BLK: variants seen among roughly 807,000 people sequenced by gnomAD.
BLK encodes the protein tyrosine-protein kinase Blk.
A neutral mutation model predicts 61.8 loss-of-function variants in BLK; 64 were observed. That is an observed-to-expected ratio of 1.03 (90% confidence interval 0.85 to 1.27). The LOEUF (loss-of-function observed/expected upper bound fraction) is 1.27, where lower values mean the gene tolerates loss of function less well. Ranked by LOEUF, BLK falls within the 50% of genes most tolerant of loss-of-function variation. The pLI is 0.00. For missense variants in BLK, 853 were observed against 660.5 expected, an observed-to-expected ratio of 1.29 and a Z score of -3.19; for synonymous variants, 351 against 272.0, an observed-to-expected ratio of 1.29 and a Z score of -2.86.
At chr8:11,505,133 C>T (rs550575291) in intron 1 of BLK, among the ~76,000 whole-genome samples, 1 of 152,222 alleles carries the variant, frequency 6.6e-6, no homozygotes, top group African/African-American at 2.4e-5. Context: ...CATCTACATG[C>T]TTATCAAAAA....
chr8:11,512,276 A>G (rs537002736), intron 1 of BLK, among the ~76,000 whole-genome samples: 1 of 152,274 alleles, frequency 6.6e-6, no homozygotes, highest in Non-Finnish European at 1.5e-5. Context: ...CCTGTGGAGG[A>G]CACCACAGAA....
At chr8:11,525,813 C>T (rs2729939) in intron 1 of BLK, among the ~76,000 whole-genome samples, 1,544 of 152,224 alleles carry the variant, frequency 0.01, 26 homozygotes, top group African/African-American at 0.034. Flanking sequence ...GGCATGATCT[C>T]GGCTCACTGT....
chr8:11,548,081 G>A lies in BLK; in HGVS notation c.225G>A (p.Arg75=), dbSNP rs572862103. The A allele has an allele frequency of 5.3e-5, 85 of 1,613,972 alleles. No homozygotes were observed. The South Asian group carries it at 9.0e-4, about 17-fold the overall frequency. The part of the protein sequence containing the change: ...ALYDYTAMND[R]DLQMLKGEKL... The stretch of plus-strand genomic sequence containing the variant: ...ATGACTACACCGCTATGAATGATCG[G>A]GACCTGCAGATGCTGAAGGGGGAGA... The change falls in exon 4 of 13, where the codon CGG becomes CGA. Residue 75 remains arginine (R), a synonymous_variant. Transcript: ENST00000259089.
chr8:11,535,261 GAAGAAAGAAAGAAAGAAAGAAAGAAAGA>G (rs5889374), intron 1 of BLK, among the ~76,000 whole-genome samples: 27 of 110,534 alleles, frequency 2.4e-4, no homozygotes, highest in African/African-American at 5.4e-4. Context: ...AAGAAAGAAA[GAAGAAAGAAAGAAAGAAAGAAAGAAAGA>G]AAGAAAGAAA....
chr8:11,551,168 T>C (rs181405384), intron 6 of BLK, among the ~76,000 whole-genome samples: 2 of 152,360 alleles, frequency 1.3e-5, no homozygotes, highest in Non-Finnish European at 2.9e-5. Context: ...CTTCTGTCAC[T>C]CAGCAGTGTT....
At chr8:11,548,275 T>G in intron 4 of BLK, 150 bp downstream of exon 4, 1 of 667,914 alleles carries the variant, frequency 1.5e-6, no homozygotes, top group Non-Finnish European at 2.6e-6. Context: ...TTCTTGAACT[T>G]GGCCCTTTTG....
chr8:11,564,306 C>T lies in BLK; in HGVS notation c.*198C>T. 2 of 721,236 alleles carry T rather than the reference C, an allele frequency of 2.8e-6. No homozygotes were observed. The highest frequency in any genetic ancestry group is 5.0e-6 in the Non-Finnish European group (2 of 403,978). 44.7% of individuals were successfully genotyped at this position (721,236 alleles called of 1,614,324 possible). ...CTGCACCCCCGGGCGAGTTACGCGG[C>T]CTCTCTGTGCCGCTTCATTTGTAGA... On this transcript the variant is annotated 3_prime_UTR_variant, in exon 13 of 13. Coordinates refer to ENST00000259089, the MANE Select transcript of BLK (RefSeq NM_001715.3).
chr8:11,498,491 G>C (rs187503778), intron 1 of BLK, among the ~76,000 whole-genome samples: 113 of 152,346 alleles, frequency 7.4e-4, no homozygotes, highest in African/African-American at 2.6e-3. Flanking sequence ...TATCTAGGAA[G>C]ACTACTTTAA....
At chr8:11,529,525 C>T (rs551831189) in intron 1 of BLK, among the ~76,000 whole-genome samples, 28 of 152,044 alleles carry the variant, frequency 1.8e-4, no homozygotes, top group African/African-American at 6.0e-4. Flanking sequence ...ATATCTCAAG[C>T]GCTGATCTTA....
At chr8:11,501,353 CTCT>C (rs1563417659) in intron 1 of BLK, among the ~76,000 whole-genome samples, 2 of 96,812 alleles carry the variant, frequency 2.1e-5, no homozygotes, top group South Asian at 4.0e-4. Flanking sequence ...TAAACTCTCT[CTCT>C]TTTTTTTTTT....
At chr8:11,530,123 G>A (rs937497774) in intron 1 of BLK, among the ~76,000 whole-genome samples, 1 of 152,198 alleles carries the variant, frequency 6.6e-6, no homozygotes, top group African/African-American at 2.4e-5. Context: ...AGTGCAGCAA[G>A]AATAATTATT....
intron 1 of BLK, among the ~76,000 whole-genome samples, chr8:11,524,400 C>G (rs909191311): frequency 6.6e-6 from 1 of 152,062 alleles, no homozygotes; most frequent in Admixed American, 6.6e-5. Flanking sequence ...TCTACATGTG[C>G]AGTACTTGCT....
chr8:11,558,542 C>T, intron 10 of BLK: 1 of 419,144 alleles, frequency 2.4e-6, no homozygotes, highest in South Asian at 1.7e-5. Flanking sequence ...ATGCCAGGGA[C>T]ATGACTTCTC....
At chr8:11,497,721 A>G (rs1461503933) in intron 1 of BLK, among the ~76,000 whole-genome samples, 1 of 152,238 alleles carries the variant, frequency 6.6e-6, no homozygotes. Context: ...TAATTGAATG[A>G]TCATCCCTAA....
intron 1 of BLK, among the ~76,000 whole-genome samples, chr8:11,538,769 G>T (rs957116556): frequency 5.3e-5 from 8 of 152,132 alleles, no homozygotes; most frequent in African/African-American, 1.9e-4. Context: ...GCTGAGAGAG[G>T]CCACGAAAGG....
intron 3 of BLK, among the ~76,000 whole-genome samples, chr8:11,547,061 C>T (rs62490879): frequency 0.014 from 2,107 of 152,356 alleles, 20 homozygotes; most frequent in South Asian, 0.039. Flanking sequence ...CTCGGCCAGC[C>T]GGGCCCCACC....
intron 12 of BLK, 113 bp from the exon 13 acceptor site, chr8:11,563,788 CTG>C (rs1373063631): frequency 1.0e-6 from 1 of 997,056 alleles, no homozygotes; most frequent in African/African-American, 1.6e-5. Context: ...TGGTCTGGGA[CTG>C]TGGGCACTGC....
chr8:11,540,152 A>C (rs988787431), intron 1 of BLK, among the ~76,000 whole-genome samples: 9 of 151,828 alleles, frequency 5.9e-5, no homozygotes, highest in African/African-American at 1.2e-4. Flanking sequence ...ATTTCTTTTA[A>C]TTACATTTTT....
At chr8:11,536,626 T>A (rs1800144095) in intron 1 of BLK, among the ~76,000 whole-genome samples, 1 of 152,146 alleles carries the variant, frequency 6.6e-6, no homozygotes. Context: ...CAGGTTGGTC[T>A]CAAACCCCTG....
Sources: allele counts gnomAD v4.1 joint callset (sites outside exome capture counted in the v4.1 genomes callset), GRCh38; gene constraint gnomAD v4.1.1; transcripts MANE v1.5; gene names NCBI Gene and HGNC (gene_info 2026-07-23, HGNC 2026-07-21).